The following CFAP221 variants were observed in gnomAD, a reference collection of about 807,000 sequenced individuals.
CFAP221 encodes the protein cilia- and flagella-associated protein 221.
CFAP221 carries 97 observed loss-of-function variants against 113.1 expected under a neutral mutation model. That is an observed-to-expected ratio of 0.86 (90% CI 0.73 to 1.02). The LOEUF is 1.02. CFAP221 is among the 50% of genes least tolerant of loss of function. CFAP221 has a pLI of 0.00. For synonymous variants in CFAP221, 331 were observed against 354.4 expected (o/e 0.93, Z 0.74); for missense variants, 1,025 against 1,013.4 (o/e 1.01, Z -0.16).
chr2:119,566,812 G>A (rs1210271100), intron 6 of CFAP221, among the ~76,000 whole-genome samples: 1 of 151,944 alleles, frequency 6.6e-6, no homozygotes, highest in Non-Finnish European at 1.5e-5. Flanking sequence ...TTCAGAGATG[G>A]GACTTCTGAC....
chr2:119,637,939 G>C (rs1009912501), intron 19 of CFAP221, among the ~76,000 whole-genome samples: 1 of 152,146 alleles, frequency 6.6e-6, no homozygotes, highest in African/African-American at 2.4e-5. Context: ...TAATTCATCA[G>C]CATTAGCAAC....
chr2:119,630,975 A>C, intron 19 of CFAP221, 74 bp downstream of exon 19: 1 of 1,526,026 alleles, frequency 6.6e-7, no homozygotes. Flanking sequence ...GAAACAGAGC[A>C]CTCATTGGGA....
intron 7 of CFAP221, among the ~76,000 whole-genome samples, chr2:119,588,172 TC>T (rs1462488531): frequency 1.3e-5 from 2 of 152,210 alleles, no homozygotes; most frequent in African/African-American, 4.8e-5. Context: ...AGTAGGTCTT[TC>T]TGTGGGTCCC....
rs576351201 is a variant in CFAP221, at chr2:119,639,364, C to T, written c.2134-417C>T. 4.3e-4 allele frequency among the ~76,000 whole-genome samples: 65 copies of T among 152,312 alleles called. No homozygotes were observed. The South Asian group carries it at 9.5e-3, about 22-fold the overall frequency. On this transcript the variant is annotated intron_variant, in intron 20 of 23. Coordinates refer to ENST00000413369, the MANE Select transcript of CFAP221 (RefSeq NM_001271049.2). ...TCATGCACCCTGCACTCAGCCCAGC[C>T]GGGGGTCTCCTTGCAGCGCTCGCCT...
rs1680034029 is a variant in CFAP221, at chr2:119,546,136, C to T, written c.5C>T (p.Ala2Val). 1 of 1,526,100 alleles carries T rather than the reference C, an allele frequency of 6.6e-7. No homozygotes were observed. Among genetic ancestry groups the T allele is most frequent in the African/African-American group, 1.4e-5 (1 of 72,314 alleles). 94.5% of individuals were successfully genotyped at this position (1,526,100 alleles called of 1,614,324 possible). Residue 2 changes from alanine (A) to valine (V), a missense_variant, in exon 2 of 24, where the codon GCA (alanine) becomes GTA (valine). Transcript: ENST00000413369. The part of the protein sequence containing the change: M[A>V]VVKTPSRGLK... ...GACTCCATTTTTCATGATAAAATGG[C>T]AGTGGTGAAAACCCCCAGCAGAGGA...
intron 21 of CFAP221, among the ~76,000 whole-genome samples, chr2:119,643,769 TCCTGA>T (rs1242900942): frequency 5.3e-5 from 8 of 152,058 alleles, no homozygotes; most frequent in African/African-American, 1.9e-4. Flanking sequence ...GGTCTCGAAC[TCCTGA>T]CCTCAAGCAA....
At chr2:119,634,921 T>C (rs1045467957) in intron 19 of CFAP221, among the ~76,000 whole-genome samples, 18 of 152,328 alleles carry the variant, frequency 1.2e-4, no homozygotes, top group Admixed American at 5.9e-4. Context: ...TAGCCAATAA[T>C]GCACATTTAA....
At chr2:119,609,924 G>C (rs1195915567) in intron 12 of CFAP221, among the ~76,000 whole-genome samples, 1 of 151,972 alleles carries the variant, frequency 6.6e-6, no homozygotes, top group Non-Finnish European at 1.5e-5. Context: ...TTTTTCATAA[G>C]ACAAAAGAAT....
intron 23 of CFAP221, among the ~76,000 whole-genome samples, chr2:119,653,756 G>C (rs1022015274): frequency 3.3e-5 from 5 of 152,126 alleles, no homozygotes; most frequent in Admixed American, 3.3e-4. Context: ...CTCTCCTACT[G>C]GTAGAGGTTA....
chr2:119,608,835 A>C (rs1208672941), intron 12 of CFAP221, among the ~76,000 whole-genome samples: 1 of 152,198 alleles, frequency 6.6e-6, no homozygotes, highest in Non-Finnish European at 1.5e-5. Context: ...GCTTCCTGGA[A>C]GACATTGTAT....
chr2:119,549,908 C>G (rs1680302519), intron 3 of CFAP221, among the ~76,000 whole-genome samples: 1 of 152,220 alleles, frequency 6.6e-6, no homozygotes, highest in Non-Finnish European at 1.5e-5. Context: ...TTGCTGGGTC[C>G]CCTTCATTGA....
chr2:119,598,354 C>T (rs1558946927), intron 7 of CFAP221, among the ~76,000 whole-genome samples: 1 of 152,234 alleles, frequency 6.6e-6, no homozygotes. Flanking sequence ...GGTATTTCCT[C>T]ATGACTTCAT....
At chr2:119,608,641 T>G (rs1684944402) in intron 12 of CFAP221, 52 bp downstream of exon 12, 2 of 1,483,054 alleles carry the variant, frequency 1.3e-6, no homozygotes, top group African/African-American at 1.4e-5. Context: ...TGTTTTTAAA[T>G]TCCTACTATA....
chr2:119,585,840 T>C (rs1398363385), intron 6 of CFAP221, among the ~76,000 whole-genome samples: 1 of 152,192 alleles, frequency 6.6e-6, no homozygotes, highest in East Asian at 1.9e-4. Context: ...TTTGCCTTCA[T>C]AGGACTCTGA....
chr2:119,627,916 A>T, intron 16 of CFAP221, 130 bp downstream of exon 16: 1 of 1,263,968 alleles, frequency 7.9e-7, no homozygotes. Flanking sequence ...AGATGAGGAG[A>T]GTATTACCAG....
At chr2:119,599,825 T>C (rs549772708) in intron 7 of CFAP221, among the ~76,000 whole-genome samples, 4 of 152,338 alleles carry the variant, frequency 2.6e-5, no homozygotes, top group African/African-American at 9.6e-5. Context: ...GATCTGGGAT[T>C]TGTTTTGTTT....
intron 6 of CFAP221, among the ~76,000 whole-genome samples, chr2:119,563,712 G>A (rs1681423699): frequency 6.6e-6 from 1 of 152,236 alleles, no homozygotes; most frequent in South Asian, 2.1e-4. Context: ...CACTCATGGT[G>A]AAAAGAAGAC....
chr2:119,572,170 A>G (rs909485131), intron 6 of CFAP221, among the ~76,000 whole-genome samples: 1 of 152,234 alleles, frequency 6.6e-6, no homozygotes, highest in Non-Finnish European at 1.5e-5. Flanking sequence ...CCAGCCACCT[A>G]TAAACAACTT....
intron 7 of CFAP221, among the ~76,000 whole-genome samples, chr2:119,593,837 CA>C (rs925460852): frequency 2.8e-5 from 4 of 141,430 alleles, no homozygotes; most frequent in African/African-American, 5.2e-5. Flanking sequence ...GACTCAGTCT[CA>C]AAAAAAAAAC....
Sources: gnomAD v4.1 joint callset for allele counts (sites outside exome capture counted in the v4.1 genomes callset) on GRCh38, gnomAD v4.1.1 for gene constraint, MANE v1.5 for transcripts, NCBI Gene and HGNC (gene_info 2026-07-23, HGNC 2026-07-21) for gene names.